LAMB4: variants seen among roughly 807,000 people sequenced by gnomAD.
LAMB4 encodes the protein laminin subunit beta 4.
LAMB4 carries 196 observed loss-of-function variants against 199.2 expected under a neutral mutation model. That is an observed-to-expected ratio of 0.98 (90% CI 0.88 to 1.11). LAMB4 has a LOEUF of 1.11. Among genes scored for constraint, LAMB4 ranks in the 50% least tolerant of loss-of-function variants. The probability of loss-of-function intolerance (pLI) is 0.00; values close to 1 mark genes in which losing one functional copy is unlikely to be tolerated. For synonymous variants in LAMB4, 744 were observed against 770.6 expected (o/e 0.97, Z 0.57); for missense variants, 2,080 against 2,171.2 (o/e 0.96, Z 0.83).
intron 1 of LAMB4, among the ~76,000 whole-genome samples, chr7:108,125,863 C>G (rs1304068149): frequency 1.3e-5 from 2 of 152,196 alleles, no homozygotes; most frequent in Non-Finnish European, 2.9e-5. Flanking sequence ...ATAAAAATGA[C>G]CTGCTGAAAA....
intron 9 of LAMB4, among the ~76,000 whole-genome samples, chr7:108,104,248 T>C (rs2037918695): frequency 6.6e-6 from 1 of 152,094 alleles, no homozygotes; most frequent in South Asian, 2.1e-4. Context: ...ATCCCTCTAC[T>C]AGAAGGGTGC....
In LAMB4 at chr7:108,078,231, G is replaced by C; in HGVS notation, c.1973C>G (p.Pro658Arg). 6.2e-7 allele frequency: 1 copy of C among 1,611,080 alleles called. No individual in the cohort carries two copies. Among genetic ancestry groups the C allele is most frequent in the Non-Finnish European group, 8.5e-7 (1 of 1,178,626 alleles). Residue 658 changes from proline (P) to arginine (R), a missense_variant, in exon 16 of 34, where the codon CCT (proline) becomes CGT (arginine). Transcript: ENST00000388781. ...AGCCGCTGGTAAGGCAAAAGACTGA[G>C]GCTTTGACTGTAGAGTCTTGGGTAT... ...HCIPKTLQSK[P>R]QSFALPAATR...
intron 14 of LAMB4, among the ~76,000 whole-genome samples, chr7:108,080,859 C>A (rs1005765395): frequency 7.3e-5 from 11 of 151,662 alleles, no homozygotes; most frequent in African/African-American, 2.7e-4. Context: ...TGCGGTGGCT[C>A]AGGCCTGTAA....
At chr7:108,017,718 G>C in the LAMB4 span, among the ~76,000 whole-genome samples, 1 of 152,184 alleles carries the variant, frequency 6.6e-6, no homozygotes, top group Non-Finnish European at 1.5e-5. Flanking sequence ...TTGGGAGAGA[G>C]ATGACAATTT....
intron 30 of LAMB4, 132 bp downstream of exon 30, chr7:108,037,256 C>T (rs1455393737): frequency 1.4e-6 from 1 of 708,404 alleles, no homozygotes; most frequent in Non-Finnish European, 2.4e-6. Context: ...GAGCTCAGCC[C>T]TCAACTTGGG....
At chr7:108,090,754 G>C (rs930370985) in intron 14 of LAMB4, among the ~76,000 whole-genome samples, 1 of 152,002 alleles carries the variant, frequency 6.6e-6, no homozygotes, top group African/African-American at 2.4e-5. Context: ...TGTTTTTTCA[G>C]TCACCATCAT....
In LAMB4 at chr7:108,047,978, A is replaced by T. The variant is rs1563045020; in HGVS notation, c.4256T>A (p.Leu1419His). 1 of 1,614,034 alleles carries T rather than the reference A, an allele frequency of 6.2e-7. No individual in the cohort carries two copies. The highest frequency in any genetic ancestry group is 8.5e-7 in the Non-Finnish European group (1 of 1,180,012). ...GGATTTTGCTTCCTGGGCTTTTTGG[A>T]GGGCATTCGTTGAGAGGGTCAGGGA... Reference protein sequence around the residue: ...HGSLTLSTNALQKAQEAKSII... With the variant: ...HGSLTLSTNAHQKAQEAKSII... The change falls in exon 28 of 34, where the codon CTC becomes CAC. Residue 1419 changes from leucine (L) to histidine (H), a missense_variant. Coordinates refer to ENST00000388781, the MANE Select transcript of LAMB4 (RefSeq NM_007356.3).
rs754403248 is a variant in LAMB4 at position 108,107,653 on chromosome 7, A to C, written c.569T>G (p.Ile190Ser). 1.1e-5 allele frequency: 17 copies of C among 1,610,488 alleles called. No individual in the cohort carries two copies. The highest frequency in any genetic ancestry group is 1.4e-5 in the Non-Finnish European group (17 of 1,178,948). The part of the protein sequence containing the change: ...DIVCDSKYSD[I>S]EPSTGGEVVL... ...TACCTCTCCACCTGTTGAGGGTTCA[A>C]TATCCGAGTATTTGGAGTCACAAAC... The change falls in exon 6 of 34, where the codon ATT (isoleucine) becomes AGT (serine). Residue 190 changes from isoleucine (I) to serine (S), a missense_variant. Physicochemically the swap from Ile to Ser is moderately radical, Grantham distance 142. Coordinates refer to ENST00000388781, the MANE Select transcript of LAMB4 (RefSeq NM_007356.3).
chr7:108,068,852 C>T (rs922956118), intron 18 of LAMB4, among the ~76,000 whole-genome samples: 1 of 152,056 alleles, frequency 6.6e-6, no homozygotes, highest in Non-Finnish European at 1.5e-5. Context: ...TGCCATCACA[C>T]CTGGCTAATT....
At chr7:108,028,370 G>T (rs1467603876) in intron 33 of LAMB4, among the ~76,000 whole-genome samples, 1 of 151,882 alleles carries the variant, frequency 6.6e-6, no homozygotes, top group Non-Finnish European at 1.5e-5. Flanking sequence ...CAACATCCCT[G>T]CCCTCTACCC....
At chr7:108,061,007 A>G (rs1247182477) in intron 23 of LAMB4, among the ~76,000 whole-genome samples, 2 of 152,220 alleles carry the variant, frequency 1.3e-5, no homozygotes, top group Non-Finnish European at 2.9e-5. Context: ...ATTAACAGGG[A>G]TAAGTCGTGT....
In LAMB4 at chr7:108,024,093, G is replaced by A. The variant is rs772311624; in HGVS notation, c.5232C>T (p.Ala1744=). ...CTTGTTCAACAATTTCATTTTTAAT[G>A]GCAACAACTTGATCTTCCAATATTC... ...QLRILEDQVV[A]IKNEIVEQEK... The change falls in exon 34 of 34, where the codon GCC becomes GCT. Residue 1744 remains alanine, a synonymous_variant. Coordinates refer to ENST00000388781, the MANE Select transcript of LAMB4 (RefSeq NM_007356.3). The A allele has an allele frequency of 1.2e-5, 20 of 1,605,234 alleles. 1 individual carries two copies. Among genetic ancestry groups the A allele is most frequent in the Middle Eastern group, 3.3e-4 (2 of 6,054 alleles).
chr7:108,129,694 C>T (rs75356447), intron 1 of LAMB4, among the ~76,000 whole-genome samples: 1,679 of 152,096 alleles, frequency 0.011, 27 homozygotes, highest in African/African-American at 0.038. Context: ...TGTGCCACTA[C>T]GGCTGTATAG....
In LAMB4 at chr7:108,065,788, A is replaced by G. The variant is rs139294194; in HGVS notation, c.2810T>C (p.Ile937Thr). 2.5e-5 allele frequency: 40 copies of G among 1,614,164 alleles called. No individual in the cohort carries two copies. The African/African-American group carries it at 5.2e-4, about 21-fold the overall frequency. ...CGTATAACCTTGAAGACAATTGCAG[A>G]TTACATCTGAGCTCCACAGATTCTG... ...CYQNLWSSDV[I>T]CNCLQGYTGT... is the part of the protein sequence containing the mutation. Residue 937 changes from isoleucine (I) to threonine (T), a missense_variant, in exon 21 of 34, where the codon ATC becomes ACC. Ile to Thr is a moderately conservative substitution (Grantham distance 89). Coordinates refer to ENST00000388781, the MANE Select transcript of LAMB4 (RefSeq NM_007356.3).
chr7:108,065,684 G>A (rs990063364), intron 21 of LAMB4, 78 bp downstream of exon 21: 1 of 1,234,718 alleles, frequency 8.1e-7, no homozygotes. Flanking sequence ...AGACAGATAA[G>A]TCATGAATAT....
At chr7:108,077,465 TG>T (rs761232555) in intron 16 of LAMB4, among the ~76,000 whole-genome samples, 3 of 151,940 alleles carry the variant, frequency 2.0e-5, no homozygotes, top group Non-Finnish European at 4.4e-5. Context: ...GAGGCCAAGG[TG>T]GGCAGATCAT....
Position 108,098,382 on chromosome 7 carries a change from G to A in LAMB4, c.1360+21C>T, listed in dbSNP as rs376026500. ...CATAGGGGTTGATGGACACTCCCCC[G>A]ACCCCCGATTATGGACTTACGCTGG... On this transcript the variant is annotated intron_variant, in intron 11 of 33. Transcript: ENST00000388781. 7.0e-5 allele frequency: 106 copies of A among 1,509,508 alleles called. No homozygotes were observed. The African/African-American group carries it at 1.4e-3, about 20-fold the overall frequency. The allele number at this position is 1,509,508 out of a possible 1,614,324, so 93.5% of individuals were successfully genotyped here.
intron 17 of LAMB4, among the ~76,000 whole-genome samples, chr7:108,070,831 T>C (rs78364147): frequency 0.01 from 1,551 of 152,258 alleles, 25 homozygotes; most frequent in African/African-American, 0.035. Flanking sequence ...TCAAAAGTCA[T>C]CTGTATTTAC....
At chr7:108,109,284 AGAGACTTCTGCTT>A (rs1194942513) in intron 4 of LAMB4, 40 bp from the exon 5 acceptor site, 5 of 1,407,568 alleles carry the variant, frequency 3.6e-6, no homozygotes, top group Non-Finnish European at 4.0e-6. Context: ...AGTGATTTTG[AGAGACTTCTGCTT>A]ATCATGTTAA....
Sources: gnomAD v4.1 joint callset for allele counts (sites outside exome capture counted in the v4.1 genomes callset) on GRCh38, gnomAD v4.1.1 for gene constraint, MANE v1.5 for transcripts, NCBI Gene and HGNC (gene_info 2026-07-23, HGNC 2026-07-21) for gene names.